Variants in FKBP15 observed in about 807,000 individuals in gnomAD.
FKBP15 encodes the protein FK506-binding protein 15.
A neutral mutation model predicts 158.1 loss-of-function variants in FKBP15; 106 were observed. The ratio of observed to expected loss-of-function variants is 0.67; its 90% CI spans 0.57 to 0.79. FKBP15 has a LOEUF of 0.79. Among genes scored for constraint, FKBP15 ranks in the 30% least tolerant of loss-of-function variants. FKBP15 has a pLI of 0.00. For missense variants in FKBP15, 1,287 were observed against 1,479.1 expected (o/e 0.87, Z 2.13); for synonymous variants, 547 against 548.6 (o/e 1.00, Z 0.04).
At position 113,198,710 on chromosome 9, in the gene FKBP15, C is replaced by A; in HGVS notation, c.717+145G>T. 1 of 586,534 alleles carries A rather than the reference C, an allele frequency of 1.7e-6. No individual in the cohort carries two copies. The highest frequency in any genetic ancestry group is 2.9e-6 in the Non-Finnish European group (1 of 346,202). 36.3% of individuals were successfully genotyped at this position (586,534 alleles called of 1,614,324 possible). ...GAGGTTGCAATGAGCCAAGATCGTGCCATTGCACTCCAGCTTGAACAACAA... is the reference window on the plus strand; with the variant it reads ...GAGGTTGCAATGAGCCAAGATCGTGACATTGCACTCCAGCTTGAACAACAA... On this transcript the variant is annotated intron_variant, in intron 8 of 27. Transcript: ENST00000238256. The surrounding 1 kb of genome is among the most constrained non-coding windows in gnomAD (Gnocchi z 5.2).
At chr9:113,219,491 A>G (rs3810915) in intron 1 of FKBP15, among the ~76,000 whole-genome samples, 8,457 of 152,306 alleles carry the variant, frequency 0.056, 406 homozygotes, top group South Asian at 0.19. Context: ...GGTTTTCCTG[A>G]TAACTGTGGG....
At position 113,187,906 on chromosome 9, in the gene FKBP15, T is replaced by C. The variant is rs375354592; in HGVS notation, c.1277-7A>G. On this transcript the variant is annotated splice_region_variant and splice_polypyrimidine_tract_variant and intron_variant, in intron 13 of 27. Coordinates refer to ENST00000238256, the MANE Select transcript of FKBP15 (RefSeq NM_015258.2). The stretch of plus-strand genomic sequence containing the variant: ...GTAACAGATGGCTGAGGTGCTAAGA[T>C]AAAGGGAGACATTTTCACTGTTATC... 2.2e-5 allele frequency: 35 copies of C among 1,607,754 alleles called. No homozygotes were observed. The highest frequency in any genetic ancestry group is 5.0e-5 in the Admixed American group (3 of 59,894).
At chr9:113,181,224 T>A (rs1209406578) in intron 19 of FKBP15, among the ~76,000 whole-genome samples, 1 of 152,214 alleles carries the variant, frequency 6.6e-6, no homozygotes, top group Non-Finnish European at 1.5e-5. Context: ...AAATAGAGCA[T>A]CTACTGGGTT....
rs926083595 is a variant in FKBP15 at position 113,206,236 on chromosome 9, CAACA to C, written c.324+269_324+272del. On this transcript the variant is annotated intron_variant, in intron 4 of 27. Coordinates refer to ENST00000238256, the MANE Select transcript of FKBP15 (RefSeq NM_015258.2). Reference sequence around the variant, plus strand: ...TGTACACACGCACCCCACAATTGAACAACAAACAAACAAAAAAATGCCCAAATTC... The same window carrying C: ...TGTACACACGCACCCCACAATTGAACAACAAACAAAAAAATGCCCAAATTC... 44 of 485,364 alleles carry C rather than the reference CAACA, an allele frequency of 9.1e-5. No homozygotes were observed. The South Asian group carries it at 9.9e-4, about 11-fold the overall frequency. The allele number at this position is 485,364 out of a possible 1,614,324, so 30.1% of individuals were successfully genotyped here.
rs577699783 is a variant in FKBP15, at chr9:113,162,640, A to C, written c.*3438T>G. The C allele has an allele frequency of 7.8e-6, 8 of 1,024,126 alleles. No individual in the cohort carries two copies. In the Admixed American group the frequency reaches 1.5e-4, roughly 20 times the overall value. 63.4% of individuals were successfully genotyped at this position (1,024,126 alleles called of 1,614,324 possible). A position where few individuals can be genotyped will look rare whatever the true frequency, so the allele number is the denominator to read the frequency against. ...TCCTGGGTTAAGCATACAAGTTATA[A>C]ATCAATCGGGTCACGTAACTCAACA... On this transcript the variant is annotated 3_prime_UTR_variant, in exon 28 of 28. Transcript: ENST00000238256.
At chr9:113,193,680 C>A in intron 10 of FKBP15, 131 bp from the exon 11 acceptor site, 1 of 751,488 alleles carries the variant, frequency 1.3e-6, no homozygotes, top group Non-Finnish European at 2.2e-6. Context: ...AATTTTAACT[C>A]TTCTTTAGTT....
intron 1 of FKBP15, among the ~76,000 whole-genome samples, chr9:113,212,972 A>G (rs1161775063): frequency 6.6e-6 from 1 of 152,226 alleles, no homozygotes; most frequent in Non-Finnish European, 1.5e-5. Flanking sequence ...CTGCCCCAGC[A>G]AAACCTGTTC....
rs1270027225 is a variant in FKBP15 at position 113,162,287 on chromosome 9, T to TA, written c.*3790dup. On this transcript the variant is annotated 3_prime_UTR_variant, in exon 28 of 28. Transcript: ENST00000238256. ...AGTATTCTCATTCCTGTTTTACTGA[T>TA]AAGGAATCTTACGTTCAGAGAGGTT... is the stretch of plus-strand genomic sequence containing the variant. 8.6e-6 allele frequency: 2 copies of TA among 232,494 alleles called. No individual in the cohort carries two copies. Among genetic ancestry groups the TA allele is most frequent in the African/African-American group, 4.7e-5 (2 of 42,202 alleles). The allele number at this position is 232,494 out of a possible 1,614,324, so 14.4% of individuals were successfully genotyped here.
chr9:113,161,562 A>C lies in FKBP15; in HGVS notation c.*4516T>G, dbSNP rs1830012680. The C allele has an allele frequency of 6.2e-7, 1 of 1,613,930 alleles. No homozygotes were observed. The highest frequency in any genetic ancestry group is 1.1e-5 in the South Asian group (1 of 91,092). On this transcript the variant is annotated 3_prime_UTR_variant, in exon 28 of 28. Coordinates refer to ENST00000238256, the MANE Select transcript of FKBP15 (RefSeq NM_015258.2). Reference sequence around the variant, plus strand: ...GCTTCTGGCTGTACTGTATGAAGGCATCAAGGTTGGCAAAGCCAAGCTGCT... The same window carrying C: ...GCTTCTGGCTGTACTGTATGAAGGCCTCAAGGTTGGCAAAGCCAAGCTGCT...
In FKBP15 at chr9:113,194,129, A is replaced by G. The variant is rs374760090; in HGVS notation, c.905T>C (p.Val302Ala). 14 of 1,612,988 alleles carry G rather than the reference A, an allele frequency of 8.7e-6. No homozygotes were observed. The African/African-American group carries it at 1.9e-4, about 22-fold the overall frequency. ...CGGAGCTGCAGAATCGCGGGAACTA[A>G]CACTGTGACCATCAGAGCCAGAATC... ...ARDSGSDGHS[V>A]SSRDSAAPSP... Residue 302 changes from valine to alanine, a missense_variant, in exon 10 of 28, where the codon GTT becomes GCT. Physicochemically the swap from Val to Ala is moderately conservative, Grantham distance 64. Coordinates refer to ENST00000238256, the MANE Select transcript of FKBP15 (RefSeq NM_015258.2).
At chr9:113,209,318 C>T (rs1830956537) in intron 2 of FKBP15, among the ~76,000 whole-genome samples, 1 of 152,084 alleles carries the variant, frequency 6.6e-6, no homozygotes, top group Admixed American at 6.6e-5. Flanking sequence ...AATAAAAAAC[C>T]AAGTGTTTTC....
Position 113,164,100 on chromosome 9 carries a change from CA to C in FKBP15, c.*1977del, listed in dbSNP as rs1830061886. 1.4e-5 allele frequency: 1 copy of C among 70,944 alleles called. No homozygotes were observed. Among genetic ancestry groups the C allele is most frequent in the African/African-American group, 5.3e-5 (1 of 19,036 alleles). The allele number at this position is 70,944 out of a possible 1,614,324, so 4.4% of individuals were successfully genotyped here. ...GGTTGTAAGCTTTGGGAATTAAAAA[CA>C]AACAAATACATTTTAGTAAATATAT... On this transcript the variant is annotated 3_prime_UTR_variant, in exon 28 of 28. Coordinates refer to ENST00000238256, the MANE Select transcript of FKBP15 (RefSeq NM_015258.2).
chr9:113,162,137 C>CA lies in FKBP15; in HGVS notation c.*3940dup, dbSNP rs1294765688. On this transcript the variant is annotated 3_prime_UTR_variant, in exon 28 of 28. Coordinates refer to ENST00000238256, the MANE Select transcript of FKBP15 (RefSeq NM_015258.2). Reference sequence around the variant, plus strand: ...TCCCTTCCCACTCGAATCAGGCAACCATTTAGGGTCCCTGTTCTGCCCTCT... The same window carrying CA: ...TCCCTTCCCACTCGAATCAGGCAACCAATTTAGGGTCCCTGTTCTGCCCTCT... 4 of 332,136 alleles carry CA rather than the reference C, an allele frequency of 1.2e-5. No homozygotes were observed. Among genetic ancestry groups the CA allele is most frequent in the Non-Finnish European group, 1.7e-5 (3 of 174,618 alleles). The allele number at this position is 332,136 out of a possible 1,614,324, so 20.6% of individuals were successfully genotyped here. A position where few individuals can be genotyped will look rare whatever the true frequency, so the allele number is the denominator to read the frequency against.
rs201372747 is a variant in FKBP15 at position 113,171,604 on chromosome 9, C to G, written c.2635G>C (p.Ala879Pro). Residue 879 changes from alanine (A) to proline (P), a missense_variant, in exon 24 of 28, where the codon GCT becomes CCT. Physicochemically the swap from Ala to Pro is conservative, Grantham distance 27 (BLOSUM62 -1). Coordinates refer to ENST00000238256, the MANE Select transcript of FKBP15 (RefSeq NM_015258.2). The part of the protein sequence containing the change: ...NKSQMSGVEA[A>P]ASDPSEKVKK... ...ACCTTCTCTGAGGGGTCAGATGCAG[C>G]AGCTTCAACCCCAGACATCTGGGAC... is the stretch of plus-strand genomic sequence containing the variant. 56 of 1,607,134 alleles carry G rather than the reference C, an allele frequency of 3.5e-5. 1 individual carries two copies. The African/African-American group carries it at 7.2e-4, about 21-fold the overall frequency.
At chr9:113,170,888 C>G (rs1830196297) in intron 24 of FKBP15, among the ~76,000 whole-genome samples, 1 of 152,174 alleles carries the variant, frequency 6.6e-6, no homozygotes. Flanking sequence ...CCCAAGACTG[C>G]TTAAAGACCA....
chr9:113,189,872 A>G (rs1451764736), intron 12 of FKBP15, among the ~76,000 whole-genome samples: 3 of 152,248 alleles, frequency 2.0e-5, no homozygotes, highest in Non-Finnish European at 2.9e-5. Flanking sequence ...TTTAGATCTA[A>G]TTATAAAATA....
chr9:113,217,588 G>A (rs997711614), intron 1 of FKBP15, among the ~76,000 whole-genome samples: 1 of 152,138 alleles, frequency 6.6e-6, no homozygotes, highest in African/African-American at 2.4e-5. Flanking sequence ...GCAGGGCATG[G>A]TGGCTCACTC....
At chr9:113,197,752 A>G (rs1323348603) in intron 8 of FKBP15, among the ~76,000 whole-genome samples, 2 of 152,266 alleles carry the variant, frequency 1.3e-5, no homozygotes, top group Non-Finnish European at 2.9e-5. Context: ...CAAAAACTTC[A>G]TAAGGTTGTC....
chr9:113,196,789 A>G, intron 9 of FKBP15, 143 bp downstream of exon 9: 1 of 994,222 alleles, frequency 1.0e-6, no homozygotes, highest in African/African-American at 1.6e-5. Flanking sequence ...GCTATTTCTG[A>G]CTACTCCATT....
Sources: allele counts gnomAD v4.1 joint callset (sites outside exome capture counted in the v4.1 genomes callset), GRCh38; gene constraint gnomAD v4.1.1; non-coding constraint Gnocchi (gnomAD v3.1); transcripts MANE v1.5; gene names NCBI Gene and HGNC (gene_info 2026-07-23, HGNC 2026-07-21).